Variants in LRRC49 observed in about 807,000 individuals in gnomAD.
LRRC49 encodes the protein leucine-rich repeat-containing protein 49.
A neutral mutation model predicts 83.3 loss-of-function variants in LRRC49; 50 were observed. That is an observed-to-expected ratio of 0.60 (90% CI 0.48 to 0.76). The LOEUF (loss-of-function observed/expected upper bound fraction) is 0.76, where lower values mean the gene tolerates loss of function less well. Among genes scored for constraint, LRRC49 ranks in the 30% least tolerant of loss-of-function variants. The probability of loss-of-function intolerance (pLI) is 0.00; values close to 1 mark genes in which losing one functional copy is unlikely to be tolerated. For missense variants in LRRC49, 704 were observed against 809.1 expected (o/e 0.87, Z 1.58); for synonymous variants, 286 against 283.3 (o/e 1.01, Z -0.10).
At chr15:71,004,367 A>G (rs559059783) in intron 11 of LRRC49, among the ~76,000 whole-genome samples, 3 of 152,358 alleles carry the variant, frequency 2.0e-5, no homozygotes, top group East Asian at 1.9e-4. Context: ...TGTGGAATCA[A>G]TCTAAATGCC....
intron 7 of LRRC49, among the ~76,000 whole-genome samples, chr15:70,932,984 C>T (rs1015265757): frequency 6.6e-6 from 1 of 152,056 alleles, no homozygotes; most frequent in African/African-American, 2.4e-5. Flanking sequence ...CCCACCTCAC[C>T]TCCCAAATTG....
Position 71,037,332 on chromosome 15 carries a change from G to A in LRRC49, c.1857G>A (p.Glu619=). 6.3e-7 allele frequency: 1 copy of A among 1,592,316 alleles called. No homozygotes were observed. The highest frequency in any genetic ancestry group is 8.5e-7 in the Non-Finnish European group (1 of 1,171,164). Residue 619 remains glutamate (E), a splice_region_variant and synonymous_variant, in exon 15 of 16, where the codon GAG becomes GAA. Coordinates refer to ENST00000260382, the MANE Select transcript of LRRC49 (RefSeq NM_017691.5). ...GAGACTTTTATAATGAAAAGCTAGA[G>A]GTAAAACTACTGTTAATCTTTGCGA... The part of the protein sequence containing the change: ...TTRDFYNEKL[E]EIKEKKKFCK...
chr15:70,963,234 C>T (rs2141197895), intron 8 of LRRC49, among the ~76,000 whole-genome samples: 1 of 146,868 alleles, frequency 6.8e-6, no homozygotes, highest in African/African-American at 2.5e-5. Context: ...TATGATTGCA[C>T]CACTGAAACC....
chr15:70,925,964 C>G (rs2035180788), intron 7 of LRRC49, among the ~76,000 whole-genome samples: 1 of 152,142 alleles, frequency 6.6e-6, no homozygotes, highest in African/African-American at 2.4e-5. Flanking sequence ...CCCTCCCCTG[C>G]CCCACAGGTA....
intron 11 of LRRC49, among the ~76,000 whole-genome samples, chr15:71,002,310 T>A (rs1044338836): frequency 6.7e-6 from 1 of 148,716 alleles, no homozygotes; most frequent in African/African-American, 2.4e-5. Context: ...ACCTTTGGCT[T>A]ATGGGGGGGG....
intron 8 of LRRC49, among the ~76,000 whole-genome samples, chr15:70,941,911 A>G (rs1025382694): frequency 2.6e-5 from 4 of 152,064 alleles, no homozygotes; most frequent in Non-Finnish European, 5.9e-5. Flanking sequence ...AGTCAGTTGG[A>G]GGGTTTTTTA....
chr15:71,034,151 A>T (rs1419660427), intron 14 of LRRC49, among the ~76,000 whole-genome samples: 1 of 152,164 alleles, frequency 6.6e-6, no homozygotes, highest in Non-Finnish European at 1.5e-5. Flanking sequence ...ACAAAGGCCT[A>T]ATATCCAGAA....
intron 1 of LRRC49, among the ~76,000 whole-genome samples, chr15:70,867,818 C>T (rs1487984329): frequency 1.3e-5 from 2 of 152,162 alleles, no homozygotes; most frequent in Non-Finnish European, 2.9e-5. Context: ...ACCACAATGC[C>T]TGCAATCTTG....
intron 15 of LRRC49, among the ~76,000 whole-genome samples, chr15:71,042,413 GGAATCT>G (rs2039722904): frequency 6.6e-6 from 1 of 152,086 alleles, no homozygotes; most frequent in African/African-American, 2.4e-5. Flanking sequence ...GAGGAAAGAA[GGAATCT>G]GAAGCCCCAA....
At chr15:70,872,603 A>G (rs544930956) in intron 1 of LRRC49, among the ~76,000 whole-genome samples, 1 of 152,292 alleles carries the variant, frequency 6.6e-6, no homozygotes, top group South Asian at 2.1e-4. Context: ...TGTCAAAGAT[A>G]AAGTTGTGAT....
At chr15:70,881,179 T>C (rs1003003160) in intron 2 of LRRC49, among the ~76,000 whole-genome samples, 1 of 152,198 alleles carries the variant, frequency 6.6e-6, no homozygotes, top group Non-Finnish European at 1.5e-5. Context: ...CAATGAGCTA[T>C]GATTGCAGCA....
At chr15:71,029,251 T>TA (rs1358958879) in intron 14 of LRRC49, among the ~76,000 whole-genome samples, 1 of 151,894 alleles carries the variant, frequency 6.6e-6, no homozygotes, top group Non-Finnish European at 1.5e-5. Context: ...TGTAGTTGTG[T>TA]ACTATTTTCC....
intron 11 of LRRC49, among the ~76,000 whole-genome samples, chr15:70,988,341 T>A (rs2037716036): frequency 6.8e-6 from 1 of 146,014 alleles, no homozygotes; most frequent in Non-Finnish European, 1.5e-5. Context: ...GCATATATAT[T>A]TAGGATAGTT....
chr15:70,941,047 T>C (rs2035796741), intron 8 of LRRC49, among the ~76,000 whole-genome samples: 1 of 152,232 alleles, frequency 6.6e-6, no homozygotes, highest in Non-Finnish European at 1.5e-5. Flanking sequence ...TATTCCTTCT[T>C]TGTGAGTAAA....
At chr15:70,947,226 C>T (rs1259143015) in intron 8 of LRRC49, among the ~76,000 whole-genome samples, 1 of 152,008 alleles carries the variant, frequency 6.6e-6, no homozygotes, top group African/African-American at 2.4e-5. Context: ...TTATTTTTAC[C>T]TCAATAGTGA....
At chr15:70,989,416 T>G (rs1469563007) in intron 11 of LRRC49, among the ~76,000 whole-genome samples, 1 of 152,244 alleles carries the variant, frequency 6.6e-6, no homozygotes, top group Non-Finnish European at 1.5e-5. Flanking sequence ...TTCTTCCAGT[T>G]GATCGCATCG....
At chr15:70,870,309 G>C (rs893946195) in intron 1 of LRRC49, among the ~76,000 whole-genome samples, 1 of 152,236 alleles carries the variant, frequency 6.6e-6, no homozygotes, top group Non-Finnish European at 1.5e-5. Flanking sequence ...TAAAAATTCT[G>C]CTGCAGTATC....
rs943479997 is a variant in LRRC49, at chr15:71,052,085, A to C, written c.*2473A>C. ...TGGTGAAGATAATCCCCAGATAAAA[A>C]GACAAGGAGACCTGGGTCTGCTGGG... On this transcript the variant is annotated 3_prime_UTR_variant, in exon 16 of 16. Transcript: ENST00000260382. 5 of 152,218 alleles carry C rather than the reference A, an allele frequency of 3.3e-5. No homozygotes were observed. The highest frequency in any genetic ancestry group is 1.2e-4 in the African/African-American group (5 of 41,434). 9.4% of individuals were successfully genotyped at this position (152,218 alleles called of 1,614,324 possible).
At chr15:70,869,461 G>C (rs2032983118) in intron 1 of LRRC49, among the ~76,000 whole-genome samples, 1 of 152,164 alleles carries the variant, frequency 6.6e-6, no homozygotes, top group Admixed American at 6.5e-5. Context: ...GATCCAGGGT[G>C]AACCTACTAG....
Sources: allele counts gnomAD v4.1 joint callset (sites outside exome capture counted in the v4.1 genomes callset), GRCh38; gene constraint gnomAD v4.1.1; transcripts MANE v1.5; gene names NCBI Gene and HGNC (gene_info 2026-07-23, HGNC 2026-07-21).